The following CHD6 variants were observed in gnomAD, a reference collection of about 807,000 sequenced individuals.
CHD6 encodes chromodomain helicase DNA binding protein 6, also known as ATP-dependent chromatin remodeler CHD6.
CHD6 carries 50 observed loss-of-function variants against 276.9 expected under a neutral mutation model. That is an observed-to-expected ratio of 0.18 (90% confidence interval 0.14 to 0.23). The LOEUF is 0.23. Ranked by LOEUF, CHD6 falls within the 10% of genes least tolerant of loss-of-function variation. The pLI, the probability that CHD6 is intolerant of heterozygous loss-of-function variation, is 1.00. For synonymous variants in CHD6, 1,173 were observed against 1,229.3 expected, an observed-to-expected ratio of 0.95 and a Z score of 0.96; for missense variants, 2,564 against 3,365.8, an observed-to-expected ratio of 0.76 and a Z score of 5.89.
At position 41,415,588 on chromosome 20, in the gene CHD6, A is replaced by C. The variant is rs767668478; in HGVS notation, c.6537T>G (p.Arg2179=). The C allele has an allele frequency of 1.4e-5, 23 of 1,611,864 alleles. No homozygotes were observed. Among genetic ancestry groups the C allele is most frequent in the Middle Eastern group, 1.7e-4 (1 of 6,050 alleles). Residue 2179 remains arginine, a synonymous_variant, in exon 34 of 37, where the codon CGT becomes CGG. Coordinates refer to ENST00000373233, the MANE Select transcript of CHD6 (RefSeq NM_032221.5). The stretch of plus-strand genomic sequence containing the variant: ...CCCTCTCCACCTCAAACTCATAGGG[A>C]CGCCTGTGCTTTTGTTCATCCTTTG... ...VFTKDEQKHR[R]PYEFEVERDA...
chr20:41,413,188 C>T (rs2046894785), intron 35 of CHD6, 136 bp downstream of exon 35: 1 of 600,230 alleles, frequency 1.7e-6, no homozygotes, highest in African/African-American at 1.9e-5. Context: ...AGTCCTTTAA[C>T]ATGATGTTGT....
In CHD6 at chr20:41,440,012, T is replaced by G; in HGVS notation, c.3995A>C (p.Asp1332Ala). ...CGTGGCTTCTCACCTTTCAGGAATG[T>G]CTGAGGTCCCATCTGTAACACCCTG... Reference protein sequence around the residue: ...AEQGVTDGTSDIPERGNTDKE... With the variant: ...AEQGVTDGTSAIPERGNTDKE... The change falls in exon 26 of 37, where the codon GAC (aspartate) becomes GCC (alanine). Residue 1332 changes from aspartate (D) to alanine (A), a missense_variant. Physicochemically the swap from Asp to Ala is moderately radical, Grantham distance 126 (BLOSUM62 -2). Transcript: ENST00000373233. The G allele has an allele frequency of 6.2e-7, 1 of 1,614,060 alleles. No individual in the cohort carries two copies. The highest frequency in any genetic ancestry group is 8.5e-7 in the Non-Finnish European group (1 of 1,179,964).
At chr20:41,496,643 T>C (rs909063447) in intron 8 of CHD6, among the ~76,000 whole-genome samples, 7 of 152,240 alleles carry the variant, frequency 4.6e-5, no homozygotes, top group African/African-American at 1.7e-4. Flanking sequence ...GTCAGTATTA[T>C]TCCTCCTTAA....
intron 34 of CHD6, chr20:41,414,930 G>A: frequency 3.0e-6 from 4 of 1,327,794 alleles, no homozygotes; most frequent in Non-Finnish European, 3.8e-6. Context: ...CCCTGGAGGA[G>A]CGGGGTTGTT....
chr20:41,507,701 G>A (rs868696731), intron 5 of CHD6, among the ~76,000 whole-genome samples: 6 of 152,024 alleles, frequency 3.9e-5, no homozygotes, highest in Non-Finnish European at 7.4e-5. Context: ...CAACTGCTTG[G>A]AATTTCCTTA....
intron 1 of CHD6, among the ~76,000 whole-genome samples, chr20:41,555,432 G>C (rs1485129557): frequency 6.6e-6 from 1 of 150,612 alleles, no homozygotes; most frequent in Non-Finnish European, 1.5e-5. Flanking sequence ...CTCCCTCCCG[G>C]ACGGGGTGGC....
rs1295959829 is a variant in CHD6 at position 41,457,442 on chromosome 20, G to C, written c.2665-14C>G. On this transcript the variant is annotated splice_polypyrimidine_tract_variant and intron_variant, in intron 17 of 36. Transcript: ENST00000373233. Reference sequence around the variant, plus strand: ...TCGGGCCTGAGCCTGGGAAGAAGAAGAGTCATATGCATCACGTCACCGTAT... The same window carrying C: ...TCGGGCCTGAGCCTGGGAAGAAGAACAGTCATATGCATCACGTCACCGTAT... 4 of 1,605,550 alleles carry C rather than the reference G, an allele frequency of 2.5e-6. No homozygotes were observed. In the South Asian group the frequency reaches 3.3e-5, roughly 13 times the overall value.
At chr20:41,520,050 G>A (rs1276363170) in intron 3 of CHD6, among the ~76,000 whole-genome samples, 9 of 152,130 alleles carry the variant, frequency 5.9e-5, no homozygotes, top group African/African-American at 1.4e-4. Flanking sequence ...CATTTATGCC[G>A]CCAAAAGACA....
intron 3 of CHD6, among the ~76,000 whole-genome samples, chr20:41,524,089 G>C (rs911822017): frequency 2.0e-5 from 3 of 152,126 alleles, no homozygotes; most frequent in African/African-American, 7.2e-5. Flanking sequence ...CTCCACTCCA[G>C]CAACAATGCT....
Position 41,451,031 on chromosome 20 carries a change from C to A in CHD6, c.3598G>T (p.Asp1200Tyr). The A allele has an allele frequency of 6.2e-7, 1 of 1,614,016 alleles. No homozygotes were observed. Among genetic ancestry groups the A allele is most frequent in the Non-Finnish European group, 8.5e-7 (1 of 1,179,892 alleles). The change falls in exon 23 of 37, where the codon GAT (aspartate) becomes TAT (tyrosine). Residue 1200 changes from aspartate to tyrosine, a missense_variant. This residue lies in a region of CHD6 where 515 missense variants were observed against 739.5 expected (regional missense o/e 0.70). Coordinates refer to ENST00000373233, the MANE Select transcript of CHD6 (RefSeq NM_032221.5). The part of the protein sequence containing the change: ...KNQLLIPELK[D>Y]ADWLATCNPE... ...TTGCAGGTGGCTAGCCAATCTGCAT[C>A]CTTTAGCTCTGGGATTAGCAACTGG...
In CHD6 at chr20:41,463,945, A is replaced by G. The variant is rs536304195; in HGVS notation, c.2665-6517T>C. Among the ~76,000 whole-genome samples, 3 of 152,294 alleles carry G rather than the reference A, an allele frequency of 2.0e-5. No homozygotes were observed. In the East Asian group the frequency reaches 5.8e-4, roughly 29 times the overall value. On this transcript the variant is annotated intron_variant, in intron 17 of 36. Coordinates refer to ENST00000373233, the MANE Select transcript of CHD6 (RefSeq NM_032221.5). The stretch of plus-strand genomic sequence containing the variant: ...GGGACAAGGGGGTACAATGCCTGCA[A>G]CTTACTCTCAAATAGCTCAGACAAA...
In CHD6 at chr20:41,403,658, C is replaced by G; in HGVS notation, c.*935G>C. 7 of 1,060,732 alleles carry G rather than the reference C, an allele frequency of 6.6e-6. No individual in the cohort carries two copies. The highest frequency in any genetic ancestry group is 8.0e-6 in the Non-Finnish European group (7 of 876,422). 65.7% of individuals were successfully genotyped at this position (1,060,732 alleles called of 1,614,324 possible). A position where few individuals can be genotyped will look rare whatever the true frequency, so the allele number is the denominator to read the frequency against. ...GTCTTCTTGCAGGCTCCAGAAAGAA[C>G]CTTATTCTTGGTGAAGGAAAGCCTG... is the stretch of plus-strand genomic sequence containing the variant. On this transcript the variant is annotated 3_prime_UTR_variant, in exon 37 of 37. Coordinates refer to ENST00000373233, the MANE Select transcript of CHD6 (RefSeq NM_032221.5).
intron 1 of CHD6, among the ~76,000 whole-genome samples, chr20:41,557,159 C>A (rs1015260242): frequency 2.0e-5 from 3 of 152,226 alleles, no homozygotes; most frequent in African/African-American, 7.2e-5. Flanking sequence ...CGGAAAATAT[C>A]AAGTGTATAA....
intron 1 of CHD6, among the ~76,000 whole-genome samples, chr20:41,600,420 T>A (rs530415882): frequency 1.3e-5 from 2 of 151,576 alleles, no homozygotes; most frequent in Admixed American, 6.6e-5. Flanking sequence ...CTAAGCGGAG[T>A]AGGGTAGAGT....
chr20:41,609,437 G>A (rs990601287), intron 1 of CHD6, among the ~76,000 whole-genome samples: 4 of 152,100 alleles, frequency 2.6e-5, no homozygotes, highest in East Asian at 1.9e-4. Flanking sequence ...ACAACCTACC[G>A]CCACTCACTG....
chr20:41,544,291 T>C (rs747009567), intron 2 of CHD6, among the ~76,000 whole-genome samples: 1 of 152,156 alleles, frequency 6.6e-6, no homozygotes, highest in Non-Finnish European at 1.5e-5. Flanking sequence ...GTCACATCAA[T>C]ACTCGTTATG....
chr20:41,513,109 A>G (rs1027139939), intron 4 of CHD6, 114 bp from the exon 5 acceptor site: 3 of 1,133,926 alleles, frequency 2.6e-6, no homozygotes, highest in Non-Finnish European at 3.8e-6. Flanking sequence ...CTTGCCTTAC[A>G]AAAGAAATCT....
At position 41,404,819 on chromosome 20, in the gene CHD6, T is replaced by C; in HGVS notation, c.7922A>G (p.Gln2641Arg). The C allele has an allele frequency of 6.2e-7, 1 of 1,613,996 alleles. No individual in the cohort carries two copies. ...ACCTACTATTTCCGAGTGTCTGGCC[T>C]GCTGCATGGCTGGCAGAGCCATGCC... ...GMGMALPAMQ[Q>R]ARHSEIVGLE... is the part of the protein sequence containing the mutation. The change falls in exon 37 of 37, where the codon CAG (glutamine) becomes CGG (arginine). Residue 2641 changes from glutamine to arginine, a missense_variant. Gln to Arg is a conservative substitution (Grantham distance 43). Coordinates refer to ENST00000373233, the MANE Select transcript of CHD6 (RefSeq NM_032221.5).
At chr20:41,615,442 T>A (rs1186927414) in intron 1 of CHD6, among the ~76,000 whole-genome samples, 2 of 152,162 alleles carry the variant, frequency 1.3e-5, no homozygotes, top group African/African-American at 4.8e-5. Flanking sequence ...AATAACCTGG[T>A]ACAGGAGAAT....
Sources: gnomAD v4.1 joint callset for allele counts (sites outside exome capture counted in the v4.1 genomes callset) on GRCh38, gnomAD v4.1.1 for gene constraint, gnomAD v4.1.1 regional missense constraint, MANE v1.5 for transcripts, NCBI Gene and HGNC (gene_info 2026-07-23, HGNC 2026-07-21) for gene names.